The following ATOSA variants were observed in gnomAD, a reference collection of about 807,000 sequenced individuals.
ATOSA encodes atos homolog protein A.
chr15:52,636,021 T>C, the ATOSA span, among the ~76,000 whole-genome samples: 1 of 146,826 alleles, frequency 6.8e-6, no homozygotes, highest in Admixed American at 6.9e-5. Context: ...AATAAATAAA[T>C]ATATAAATAA....
the ATOSA span, among the ~76,000 whole-genome samples, chr15:52,604,092 T>A: frequency 6.6e-6 from 1 of 152,230 alleles, no homozygotes; most frequent in African/African-American, 2.4e-5. Flanking sequence ...ACACGTACCC[T>A]GTAAATATAT....
chr15:52,653,415 A>C, the ATOSA span, among the ~76,000 whole-genome samples: 4 of 152,306 alleles, frequency 2.6e-5, no homozygotes, highest in African/African-American at 9.6e-5. Flanking sequence ...GCTTTAAAGA[A>C]ATCTCATTAA....
chr15:52,664,071 A>G, the ATOSA span, among the ~76,000 whole-genome samples: 1 of 152,334 alleles, frequency 6.6e-6, no homozygotes, highest in Admixed American at 6.5e-5. Context: ...ACACTGTTGA[A>G]TCAACAAAGG....
chr15:52,608,616 T>C, the ATOSA span: 1 of 1,607,148 alleles, frequency 6.2e-7, no homozygotes, highest in East Asian at 2.2e-5. Context: ...AACAGTCTTT[T>C]ATACTTCTTC....
chr15:52,627,670 C>A, the ATOSA span, among the ~76,000 whole-genome samples: 6 of 151,566 alleles, frequency 4.0e-5, no homozygotes, highest in Admixed American at 1.3e-4. Context: ...GAACATCAGG[C>A]AATGCTTATG....
the ATOSA span, chr15:52,600,152 C>G: frequency 6.2e-7 from 1 of 1,606,952 alleles, no homozygotes; most frequent in Non-Finnish European, 8.5e-7. Flanking sequence ...GAGACTAAGA[C>G]TTGTTATAGG....
chr15:52,644,705 T>A, the ATOSA span, among the ~76,000 whole-genome samples: 1 of 152,230 alleles, frequency 6.6e-6, no homozygotes, highest in African/African-American at 2.4e-5. Flanking sequence ...TTTTTCTATA[T>A]TATCAATGTA....
chr15:52,642,204 T>C, the ATOSA span, among the ~76,000 whole-genome samples: 1 of 152,206 alleles, frequency 6.6e-6, no homozygotes, highest in Non-Finnish European at 1.5e-5. Flanking sequence ...CATTTATAGC[T>C]ATAATATATC....
the ATOSA span, among the ~76,000 whole-genome samples, chr15:52,584,136 CT>C: frequency 1.4e-5 from 2 of 144,064 alleles, no homozygotes; most frequent in Non-Finnish European, 3.0e-5. Context: ...ATTTATATGG[CT>C]CATATTACTT....
chr15:52,608,546 T>C, the ATOSA span: 1 of 1,528,276 alleles, frequency 6.5e-7, no homozygotes, highest in East Asian at 2.3e-5. Flanking sequence ...GACTTACATT[T>C]GACATATTAG....
At chr15:52,607,980 A>C in the ATOSA span, among the ~76,000 whole-genome samples, 2 of 152,166 alleles carry the variant, frequency 1.3e-5, no homozygotes, top group Non-Finnish European at 2.9e-5. Flanking sequence ...TCCTGGGCTC[A>C]AGTGATTCCC....
chr15:52,678,881 C>G, the ATOSA span: 1 of 153,164 alleles, frequency 6.5e-6, no homozygotes, highest in African/African-American at 2.4e-5. Context: ...ATGGCGCTCT[C>G]GAGCTGGCCG....
the ATOSA span, among the ~76,000 whole-genome samples, chr15:52,598,199 A>T: frequency 6.6e-6 from 1 of 152,218 alleles, no homozygotes; most frequent in East Asian, 1.9e-4. Context: ...ACACTCATTA[A>T]CAATAGCTGA....
chr15:52,677,973 G>A, the ATOSA span: 4 of 1,613,652 alleles, frequency 2.5e-6, no homozygotes, highest in Non-Finnish European at 3.4e-6. Flanking sequence ...GAAGGGGGTG[G>A]GGGAACAAGC....
chr15:52,630,282 T>A, the ATOSA span, among the ~76,000 whole-genome samples: 1 of 152,256 alleles, frequency 6.6e-6, no homozygotes, highest in Admixed American at 6.5e-5. Context: ...ACCACAGGCA[T>A]TACGAAGGTT....
At chr15:52,652,206 T>A in the ATOSA span, among the ~76,000 whole-genome samples, 1 of 152,226 alleles carries the variant, frequency 6.6e-6, no homozygotes, top group Non-Finnish European at 1.5e-5. Context: ...CAAACTCAGC[T>A]GTGTTTAGGC....
chr15:52,690,357 C>T, the ATOSA span, among the ~76,000 whole-genome samples: 65 of 152,250 alleles, frequency 4.3e-4, no homozygotes, highest in East Asian at 0.012. Context: ...TTAATACATA[C>T]GGAGAAACCT....
At chr15:52,635,430 C>T in the ATOSA span, among the ~76,000 whole-genome samples, 1 of 152,306 alleles carries the variant, frequency 6.6e-6, no homozygotes, top group African/African-American at 2.4e-5. Flanking sequence ...CAGTGGCTCA[C>T]ACCTGTAATG....
chr15:52,610,222 G>C, the ATOSA span: 5 of 1,613,868 alleles, frequency 3.1e-6, no homozygotes, highest in African/African-American at 6.7e-5. Context: ...GCCAATATTA[G>C]TGTGAATACT....
Sources: gnomAD v4.1 joint callset for allele counts (sites outside exome capture counted in the v4.1 genomes callset) on GRCh38, gnomAD v4.1.1 for gene constraint, MANE v1.5 for transcripts, NCBI Gene and HGNC (gene_info 2026-07-23, HGNC 2026-07-21) for gene names.